Variants in CAMTA1 observed in about 807,000 individuals in gnomAD.
The protein encoded by CAMTA1 is calmodulin-binding transcription activator 1.
In CAMTA1, 27 loss-of-function variants were observed where a neutral mutation model predicts 170.9. That is an observed-to-expected ratio of 0.16 (90% CI 0.12 to 0.22). The LOEUF (loss-of-function observed/expected upper bound fraction) is 0.22, where lower values mean the gene tolerates loss of function less well. Ranked by LOEUF, CAMTA1 falls within the 10% of genes least tolerant of loss-of-function variation. The pLI is 1.00. For synonymous variants in CAMTA1, 833 were observed against 891.5 expected (o/e 0.93, Z 1.17); for missense variants, 1,619 against 2,217.2 (o/e 0.73, Z 5.42).
Position 6,785,571 on chromosome 1 carries a change from G to GGAA in CAMTA1, c.43_45dup (p.Lys15dup). On this transcript the variant is annotated inframe_insertion, in exon 1 of 23. Transcript: ENST00000303635. ...GGGAAATGGCTGCCGAAAACAAGCCGGAAGGTAAGAGCCGGAGCGCGAGGG... is the reference window on the plus strand; with the variant it reads ...GGGAAATGGCTGCCGAAAACAAGCCGGAAGAAGGTAAGAGCCGGAGCGCGAGGG... 2 of 1,072,398 alleles carry GGAA rather than the reference G, an allele frequency of 1.9e-6. No homozygotes were observed. The highest frequency in any genetic ancestry group is 2.3e-6 in the Non-Finnish European group (2 of 869,250). The allele number at this position is 1,072,398 out of a possible 1,614,324, so 66.4% of individuals were successfully genotyped here. A position where few individuals can be genotyped will look rare whatever the true frequency, so the allele number is the denominator to read the frequency against.
At chr1:7,192,036 TGGTGGG>T (rs142140718) in intron 4 of CAMTA1, among the ~76,000 whole-genome samples, 12,462 of 152,098 alleles carry the variant, frequency 0.082, 1,552 homozygotes, top group African/African-American at 0.28. Context: ...GGGCTGGGAC[TGGTGGG>T]GGAATAGTGT....
At chr1:6,810,125 C>T (rs1257851317) in intron 1 of CAMTA1, among the ~76,000 whole-genome samples, 3 of 152,168 alleles carry the variant, frequency 2.0e-5, no homozygotes, top group African/African-American at 4.8e-5. Context: ...CTCCTGGTTC[C>T]CATGGGTCAG....
Position 6,918,326 on chromosome 1 carries a change from C to T in CAMTA1, c.234+93116C>T, listed in dbSNP as rs1252908014. On this transcript the variant is annotated intron_variant, in intron 3 of 22. Coordinates refer to ENST00000303635, the MANE Select transcript of CAMTA1 (RefSeq NM_015215.4). This position sits in a 1 kb window ranked among gnomAD's most constrained non-coding sequence, Gnocchi z 4.0. ...ATTTATGCTTGACTGAAGCACAGGC[C>T]ACATTTGTCCTGGGAGCCAATGAGC... Among the ~76,000 whole-genome samples, 1 of 152,068 alleles carries T rather than the reference C, an allele frequency of 6.6e-6. No homozygotes were observed. Among genetic ancestry groups the T allele is most frequent in the Non-Finnish European group, 1.5e-5 (1 of 68,016 alleles).
At chr1:6,852,758 C>T (rs759503099) in intron 3 of CAMTA1, among the ~76,000 whole-genome samples, 2 of 152,166 alleles carry the variant, frequency 1.3e-5, no homozygotes, top group African/African-American at 4.8e-5. Context: ...TATGGAGGCT[C>T]TATTACGAAG....
At chr1:7,741,761 G>T (rs2096819055) in intron 16 of CAMTA1, among the ~76,000 whole-genome samples, 1 of 151,646 alleles carries the variant, frequency 6.6e-6, no homozygotes, top group African/African-American at 2.4e-5. Flanking sequence ...CAGGTGTGTT[G>T]GCAGGTCCCT....
In CAMTA1 at chr1:6,893,139, G is replaced by A. The variant is rs545505883; in HGVS notation, c.234+67929G>A. 7.2e-5 allele frequency among the ~76,000 whole-genome samples: 11 copies of A among 152,176 alleles called. No homozygotes were observed. In the East Asian group the frequency reaches 2.1e-3, roughly 29 times the overall value. ...CTACTAAAAATGCAAAAAATTAGCC[G>A]GGCATGGTGGCGTGCCTGTAATCCC... On this transcript the variant is annotated intron_variant, in intron 3 of 22. Coordinates refer to ENST00000303635, the MANE Select transcript of CAMTA1 (RefSeq NM_015215.4).
chr1:7,656,694 T>C (rs2095906262), intron 7 of CAMTA1, among the ~76,000 whole-genome samples: 1 of 152,216 alleles, frequency 6.6e-6, no homozygotes, highest in Non-Finnish European at 1.5e-5. Flanking sequence ...CTGCCCCATG[T>C]GGGGTGAAGC....
chr1:6,979,639 C>G (rs748147385), intron 3 of CAMTA1, among the ~76,000 whole-genome samples: 1 of 152,162 alleles, frequency 6.6e-6, no homozygotes, highest in African/African-American at 2.4e-5. Context: ...AGTGTAGGAC[C>G]ATTACCATCT....
intron 3 of CAMTA1, among the ~76,000 whole-genome samples, chr1:6,998,316 G>T (rs763777757): frequency 1.3e-5 from 2 of 152,046 alleles, no homozygotes; most frequent in African/African-American, 4.8e-5. Flanking sequence ...CAGGTGATCC[G>T]CCCATCTCTG....
intron 4 of CAMTA1, among the ~76,000 whole-genome samples, chr1:7,212,217 A>G (rs1254050053): frequency 2.0e-5 from 3 of 152,198 alleles, no homozygotes; most frequent in Non-Finnish European, 2.9e-5. Flanking sequence ...GAAATAAAAT[A>G]TAATTAGGCT....
intron 5 of CAMTA1, among the ~76,000 whole-genome samples, chr1:7,380,784 T>G: frequency 6.6e-6 from 1 of 152,220 alleles, no homozygotes; most frequent in East Asian, 1.9e-4. Context: ...CACTTTGGGC[T>G]CTATGAAAAC....
chr1:7,622,429 T>C (rs12139470), intron 6 of CAMTA1, among the ~76,000 whole-genome samples: 37,078 of 152,242 alleles, frequency 0.24, 6,833 homozygotes, highest in African/African-American at 0.52. Context: ...GATTGGTGTA[T>C]TCTTTCTATC....
At position 7,732,539 on chromosome 1, in the gene CAMTA1, GAGCGGAGGCGGCAGC is replaced by G; in HGVS notation, c.3009_3023del (p.Ser1008_Ser1012del). 1.2e-6 allele frequency: 2 copies of G among 1,613,610 alleles called. No homozygotes were observed. The highest frequency in any genetic ancestry group is 1.7e-6 in the Non-Finnish European group (2 of 1,179,948). On this transcript the variant is annotated inframe_deletion, in exon 12 of 23. Transcript: ENST00000303635. This position sits in a 1 kb window ranked among gnomAD's most constrained non-coding sequence, Gnocchi z 4.1. ...CGGGGTCCCAGCAGCACAAACAGGC[GAGCGGAGGCGGCAGC>G]AGTGGAGGCGGCAGCGGGAGCGGGA...
chr1:6,887,622 G>A lies in CAMTA1; in HGVS notation c.234+62412G>A, dbSNP rs889959625. 1.6e-5 allele frequency: 24 copies of A among 1,532,940 alleles called. No homozygotes were observed. The highest frequency in any genetic ancestry group is 2.1e-5 in the Non-Finnish European group (24 of 1,145,684). 95.0% of individuals were successfully genotyped at this position (1,532,940 alleles called of 1,614,324 possible). ...GTTAAAAACAGAAATAGAAGCGACG[G>A]TTTTGACCCATTTTACACCTATTTA... On this transcript the variant is annotated intron_variant, in intron 3 of 22. Coordinates refer to ENST00000303635, the MANE Select transcript of CAMTA1 (RefSeq NM_015215.4). This position sits in a 1 kb window ranked among gnomAD's most constrained non-coding sequence, Gnocchi z 4.1.
rs150546950 is a variant in CAMTA1, at chr1:7,264,710, A to G, written c.438+15084A>G. Reference sequence around the variant, plus strand: ...ATTTACATAAATTATACAACTCATTATCTTTGTTTATAAAAAGACTTAGCA... The same window carrying G: ...ATTTACATAAATTATACAACTCATTGTCTTTGTTTATAAAAAGACTTAGCA... On this transcript the variant is annotated intron_variant, in intron 5 of 22. Coordinates refer to ENST00000303635, the MANE Select transcript of CAMTA1 (RefSeq NM_015215.4). 4.4e-3 allele frequency among the ~76,000 whole-genome samples: 669 copies of G among 152,336 alleles called. 9 individuals are homozygous for G. The highest frequency in any genetic ancestry group is 6.5e-3 in the Admixed American group (100 of 15,300).
At chr1:7,675,081 T>G (rs2096102389) in intron 10 of CAMTA1, among the ~76,000 whole-genome samples, 1 of 152,158 alleles carries the variant, frequency 6.6e-6, no homozygotes, top group East Asian at 1.9e-4. Flanking sequence ...GGAACATGGA[T>G]GAGCAGAGGC....
At chr1:7,493,243 G>T (rs534298885) in intron 6 of CAMTA1, among the ~76,000 whole-genome samples, 1 of 122,548 alleles carries the variant, frequency 8.2e-6, no homozygotes, top group African/African-American at 3.3e-5. Context: ...GTACAATCAC[G>T]CACACACAAA....
intron 3 of CAMTA1, among the ~76,000 whole-genome samples, chr1:6,995,160 T>TC (rs1234296566): frequency 6.6e-6 from 1 of 152,098 alleles, no homozygotes; most frequent in East Asian, 1.9e-4. Context: ...TTTTTCAAAC[T>TC]CTTTTTTTTT....
At chr1:7,349,424 G>C (rs1370012757) in intron 5 of CAMTA1, among the ~76,000 whole-genome samples, 1 of 152,188 alleles carries the variant, frequency 6.6e-6, no homozygotes, top group Admixed American at 6.5e-5. Flanking sequence ...CCATATCCCA[G>C]ACCTGTCTGT....
Sources: allele counts gnomAD v4.1 joint callset (sites outside exome capture counted in the v4.1 genomes callset), GRCh38; gene constraint gnomAD v4.1.1; non-coding constraint Gnocchi (gnomAD v3.1); transcripts MANE v1.5; gene names NCBI Gene and HGNC (gene_info 2026-07-23, HGNC 2026-07-21).